The following TRPC5OS variants were observed in gnomAD, a reference collection of about 807,000 sequenced individuals.
TRPC5OS encodes the protein putative uncharacterized protein TRPC5OS.
For synonymous variants in TRPC5OS, 30 were observed against 29.3 expected (o/e 1.02, Z -0.08); for missense variants, 64 against 79.3 (o/e 0.81, Z 0.73).
intron 1 of TRPC5OS, among the ~76,000 whole-genome samples, 167 bp downstream of exon 1, chrX:111,876,440 C>T (rs1417344525): frequency 2.7e-5 from 3 of 111,530 alleles, no homozygotes; most frequent in East Asian, 5.6e-4. Context: ...TTGGGCACGC[C>T]GTACCCCTTA....
At chrX:111,895,114 G>A (rs780164095) in intron 1 of TRPC5OS, among the ~76,000 whole-genome samples, 29 of 112,115 alleles carry the variant, frequency 2.6e-4, no homozygotes, top group Admixed American at 4.7e-4. Context: ...CTGCCAAATA[G>A]TTTTCCAAGG....
At chrX:111,892,431 C>T (rs765874278) in intron 1 of TRPC5OS, among the ~76,000 whole-genome samples, 1 of 111,964 alleles carries the variant, frequency 8.9e-6, no homozygotes, top group East Asian at 2.8e-4. Flanking sequence ...TGTCACAATA[C>T]GAGGTGGAGG....
chrX:111,888,693 C>CAAAAAAA (rs753735549), intron 1 of TRPC5OS, among the ~76,000 whole-genome samples: 1 of 10,977 alleles, frequency 9.1e-5, no homozygotes. Context: ...GACTCTATCT[C>CAAAAAAA]AAAAAAAAAA....
chrX:111,876,943 C>A (rs892111276), intron 1 of TRPC5OS, among the ~76,000 whole-genome samples: 1 of 111,446 alleles, frequency 9.0e-6, no homozygotes, highest in Non-Finnish European at 1.9e-5. Flanking sequence ...TCATCATGCT[C>A]AAATGCCTGG....
chrX:111,897,500 C>A (rs1925125849), intron 3 of TRPC5OS, among the ~76,000 whole-genome samples: 1 of 111,227 alleles, frequency 9.0e-6, no homozygotes, highest in Non-Finnish European at 1.9e-5. Flanking sequence ...ATGATCATTA[C>A]CATCACTCTA....
At position 111,902,186 on chromosome X, in the gene TRPC5OS, G is replaced by T; in HGVS notation, c.*1G>T. 1 of 1,098,945 alleles carries T rather than the reference G, an allele frequency of 9.1e-7. No homozygotes were observed. The highest frequency in any genetic ancestry group is 2.3e-5 in the South Asian group (1 of 44,340). 90.6% of individuals were successfully genotyped at this position (1,098,945 alleles called of 1,213,427 possible). On this transcript the variant is annotated 3_prime_UTR_variant, in exon 4 of 4. Transcript: ENST00000635763. The stretch of plus-strand genomic sequence containing the variant: ...AAATGATGACTTAACAGGTGACTAA[G>T]ACCCAATTTCTGCCCCCGTCCCCAG...
In TRPC5OS at chrX:111,897,724, T is replaced by A. The variant is rs1013700137; in HGVS notation, c.-311+1229T>A. Among the ~76,000 whole-genome samples the A allele has an allele frequency of 5.4e-5, 6 of 111,894 alleles. No homozygotes were observed. In the Admixed American group the frequency reaches 5.7e-4, roughly 11 times the overall value. ...TCCCTCTCAGTAGTGCCTTTCTTTT[T>A]ATTGCTTATTAGTATCACATTGTGT... On this transcript the variant is annotated intron_variant, in intron 3 of 3. Transcript: ENST00000635763.
chrX:111,880,027 T>A (rs1924134497), intron 1 of TRPC5OS, among the ~76,000 whole-genome samples: 1 of 111,748 alleles, frequency 8.9e-6, no homozygotes, highest in Non-Finnish European at 1.9e-5. Flanking sequence ...GTGGTGGTGA[T>A]GTTAGGAAAA....
At chrX:111,899,884 A>C (rs1925253160) in intron 3 of TRPC5OS, among the ~76,000 whole-genome samples, 1 of 111,495 alleles carries the variant, frequency 9.0e-6, no homozygotes, top group Non-Finnish European at 1.9e-5. Flanking sequence ...CTCTGCCTCT[A>C]GTACCCGTTC....
intron 3 of TRPC5OS, among the ~76,000 whole-genome samples, chrX:111,897,628 A>G (rs779759639): frequency 8.9e-6 from 1 of 111,878 alleles, no homozygotes; most frequent in Non-Finnish European, 1.9e-5. Context: ...GGATGGAATC[A>G]TACAGCATAT....
chrX:111,891,855 G>A (rs1384135494), intron 1 of TRPC5OS, among the ~76,000 whole-genome samples: 1 of 111,937 alleles, frequency 8.9e-6, no homozygotes, highest in Admixed American at 9.5e-5. Context: ...CCGCTACACA[G>A]GATTATTATA....
At chrX:111,878,833 C>A (rs1924076437) in intron 1 of TRPC5OS, among the ~76,000 whole-genome samples, 1 of 111,645 alleles carries the variant, frequency 9.0e-6, no homozygotes, top group Non-Finnish European at 1.9e-5. Flanking sequence ...AACACTATTA[C>A]CCAGTTCACA....
At chrX:111,897,080 G>C (rs762914501) in intron 3 of TRPC5OS, among the ~76,000 whole-genome samples, 25 of 111,816 alleles carry the variant, frequency 2.2e-4, no homozygotes, top group Non-Finnish European at 4.0e-4. Flanking sequence ...TTACATTCAG[G>C]CTATGTGTAT....
At chrX:111,882,810 G>T (rs1309420377) in intron 1 of TRPC5OS, among the ~76,000 whole-genome samples, 1 of 112,206 alleles carries the variant, frequency 8.9e-6, no homozygotes, top group African/African-American at 3.2e-5. Context: ...AGCCGGCTGG[G>T]CGCTGTGGCT....
intron 1 of TRPC5OS, among the ~76,000 whole-genome samples, chrX:111,877,492 G>C (rs1237384643): frequency 9.0e-6 from 1 of 111,012 alleles, no homozygotes; most frequent in East Asian, 2.8e-4. Flanking sequence ...TAAACCTCAA[G>C]TTTAGGATAT....
intron 3 of TRPC5OS, among the ~76,000 whole-genome samples, chrX:111,898,418 G>A (rs747276677): frequency 9.1e-6 from 1 of 109,403 alleles, no homozygotes; most frequent in Non-Finnish European, 1.9e-5. Context: ...TTTATTAACT[G>A]TATGATTTGA....
intron 1 of TRPC5OS, among the ~76,000 whole-genome samples, chrX:111,891,752 T>C (rs1924819797): frequency 9.0e-6 from 1 of 111,052 alleles, no homozygotes; most frequent in African/African-American, 3.3e-5. Context: ...TTTCACTATG[T>C]TGGCCAGGCT....
At chrX:111,885,134 A>G (rs896648177) in intron 1 of TRPC5OS, among the ~76,000 whole-genome samples, 1 of 113,130 alleles carries the variant, frequency 8.8e-6, no homozygotes, top group Non-Finnish European at 1.9e-5. Flanking sequence ...GCCACAGCCC[A>G]GTTAGCTTAG....
intron 3 of TRPC5OS, among the ~76,000 whole-genome samples, chrX:111,896,791 C>A (rs888872503): frequency 1.8e-5 from 2 of 111,976 alleles, no homozygotes; most frequent in African/African-American, 3.2e-5. Flanking sequence ...GAAGTCCGAC[C>A]TGGGCTGACA....
Sources: allele counts gnomAD v4.1 joint callset (sites outside exome capture counted in the v4.1 genomes callset), GRCh38; gene constraint gnomAD v4.1.1; transcripts MANE v1.5; gene names NCBI Gene and HGNC (gene_info 2026-07-23, HGNC 2026-07-21).